Variants in GLRB observed in about 807,000 individuals in gnomAD.
GLRB encodes glycine receptor subunit beta.
GLRB carries 33 observed loss-of-function variants against 54.2 expected under a neutral mutation model. The ratio of observed to expected loss-of-function variants is 0.61; its 90% CI spans 0.46 to 0.81. GLRB has a LOEUF of 0.81. Ranked by LOEUF, GLRB falls within the 40% of genes least tolerant of loss-of-function variation. The pLI is 0.00. For missense variants in GLRB, 572 were observed against 584.6 expected (o/e 0.98, Z 0.22); for synonymous variants, 209 against 208.2 (o/e 1.00, Z -0.03).
At position 157,114,575 on chromosome 4, in the gene GLRB, C is replaced by T. The variant is rs960975532; in HGVS notation, c.123-5981C>T. The stretch of plus-strand genomic sequence containing the variant: ...GACCTCTTTGGTCTTTACCTTAAGT[C>T]GTTTTCTGTCACAGGATCCCTTCCA... On this transcript the variant is annotated intron_variant, in intron 2 of 9. Coordinates refer to ENST00000264428, the MANE Select transcript of GLRB (RefSeq NM_000824.5). 2.0e-5 allele frequency among the ~76,000 whole-genome samples: 3 copies of T among 151,654 alleles called. No individual in the cohort carries two copies. The East Asian group carries it at 5.8e-4, about 30-fold the overall frequency.
At chr4:157,126,430 T>C (rs902025827) in intron 4 of GLRB, among the ~76,000 whole-genome samples, 2 of 151,790 alleles carry the variant, frequency 1.3e-5, no homozygotes, top group Admixed American at 6.6e-5. Flanking sequence ...CTCATGTCTG[T>C]GTGCTCATTT....
At chr4:157,160,809 T>G (rs1737453034) in intron 9 of GLRB, among the ~76,000 whole-genome samples, 1 of 152,220 alleles carries the variant, frequency 6.6e-6, no homozygotes, top group South Asian at 2.1e-4. Context: ...GTATACTCTG[T>G]TGATTTGGGG....
Position 157,116,125 on chromosome 4 carries a change from C to T in GLRB, c.123-4431C>T, listed in dbSNP as rs1735601355. Among the ~76,000 whole-genome samples, 6 of 151,832 alleles carry T rather than the reference C, an allele frequency of 4.0e-5. No homozygotes were observed. In the South Asian group the frequency reaches 1.2e-3, roughly 31 times the overall value. On this transcript the variant is annotated intron_variant, in intron 2 of 9. Coordinates refer to ENST00000264428, the MANE Select transcript of GLRB (RefSeq NM_000824.5). ...TTGGAAATAAATTTCTGGATTTTTC[C>T]TTTAGTGCTGGAAAATATTACATCA...
intron 2 of GLRB, among the ~76,000 whole-genome samples, chr4:157,085,560 G>A (rs1017887371): frequency 3.3e-5 from 5 of 152,060 alleles, no homozygotes; most frequent in African/African-American, 4.8e-5. Context: ...GCAATGGCAT[G>A]ATCTCGCCTC....
At chr4:157,129,510 A>G (rs1416304578) in intron 4 of GLRB, among the ~76,000 whole-genome samples, 1 of 151,796 alleles carries the variant, frequency 6.6e-6, no homozygotes, top group African/African-American at 2.4e-5. Context: ...TAAAAATTTG[A>G]AATATTCTTA....
At chr4:157,092,905 C>T (rs963763585) in intron 2 of GLRB, among the ~76,000 whole-genome samples, 1 of 152,152 alleles carries the variant, frequency 6.6e-6, no homozygotes, top group African/African-American at 2.4e-5. Context: ...ACAGTAGTCA[C>T]AAAAGGTAGT....
In GLRB at chr4:157,136,466, C is replaced by T; in HGVS notation, c.298-3C>T. The T allele has an allele frequency of 6.5e-7, 1 of 1,546,534 alleles. No homozygotes were observed. Among genetic ancestry groups the T allele is most frequent in the Non-Finnish European group, 8.9e-7 (1 of 1,118,596 alleles). The stretch of plus-strand genomic sequence containing the variant: ...CATGTGCACGCATGTACTTTTTCTT[C>T]AGGACTATAGAGTTAACATCTTCCT... On this transcript the variant is annotated splice_polypyrimidine_tract_variant and splice_region_variant and intron_variant, in intron 4 of 9. Transcript: ENST00000264428.
At chr4:157,113,706 A>C (rs1579208601) in intron 2 of GLRB, among the ~76,000 whole-genome samples, 1 of 124,024 alleles carries the variant, frequency 8.1e-6, no homozygotes, top group Admixed American at 7.9e-5. Flanking sequence ...CCTGAAACCC[A>C]GGTGAGGGGA....
In GLRB at chr4:157,084,061, A is replaced by G. The variant is rs78305175; in HGVS notation, c.122+5915A>G. On this transcript the variant is annotated intron_variant, in intron 2 of 9. Transcript: ENST00000264428. ...ATGAAACTAGAACATCCTAAAATAA[A>G]CTTTCAGATTTTTTTATTGAATAAC... Among the ~76,000 whole-genome samples, 958 of 152,242 alleles carry G rather than the reference A, an allele frequency of 6.3e-3. 22 individuals are homozygous for G. In the East Asian group the frequency reaches 0.1, roughly 16 times the overall value.
At chr4:157,082,300 A>G (rs933448701) in intron 2 of GLRB, among the ~76,000 whole-genome samples, 5 of 152,172 alleles carry the variant, frequency 3.3e-5, no homozygotes, top group Non-Finnish European at 5.9e-5. Context: ...GTGCCCCCAC[A>G]GTTCCCCAAT....
chr4:157,170,662 T>C lies in GLRB; in HGVS notation c.1428T>C (p.Tyr476=), dbSNP rs763395384. The change falls in exon 10 of 10, where the codon TAT becomes TAC. Residue 476 remains tyrosine (Y), a synonymous_variant. Coordinates refer to ENST00000264428, the MANE Select transcript of GLRB (RefSeq NM_000824.5). ...CAGCAGCAAAGCGAATTGATCTTTA[T>C]GCAAGAGCATTGTTTCCTTTCTGCT... The part of the protein sequence containing the change: ...IPTAAKRIDL[Y]ARALFPFCFL... 2.5e-6 allele frequency: 4 copies of C among 1,608,544 alleles called. No individual in the cohort carries two copies. Among genetic ancestry groups the C allele is most frequent in the African/African-American group, 2.7e-5 (2 of 74,678 alleles).
chr4:157,139,920 C>T (rs986726817), intron 7 of GLRB, among the ~76,000 whole-genome samples: 2 of 151,782 alleles, frequency 1.3e-5, no homozygotes, highest in Admixed American at 1.3e-4. Context: ...GAATGCTGTC[C>T]TCATGATGTC....
chr4:157,120,550 T>C lies in GLRB; in HGVS notation c.123-6T>C. Reference sequence around the variant, plus strand: ...CTACTTATCAGGATTTTTCTCTCTCTTATAGTCAGCAGTCAGCAGAGGACC... The same window carrying C: ...CTACTTATCAGGATTTTTCTCTCTCCTATAGTCAGCAGTCAGCAGAGGACC... On this transcript the variant is annotated splice_polypyrimidine_tract_variant and splice_region_variant and intron_variant, in intron 2 of 9. Coordinates refer to ENST00000264428, the MANE Select transcript of GLRB (RefSeq NM_000824.5). 4.0e-6 allele frequency: 6 copies of C among 1,506,510 alleles called. No homozygotes were observed. Among genetic ancestry groups the C allele is most frequent in the Non-Finnish European group, 5.5e-6 (6 of 1,084,172 alleles). 93.3% of individuals were successfully genotyped at this position (1,506,510 alleles called of 1,614,324 possible).
intron 2 of GLRB, among the ~76,000 whole-genome samples, chr4:157,101,952 T>C (rs557576682): frequency 6.0e-4 from 91 of 152,328 alleles, no homozygotes; most frequent in Non-Finnish European, 1.0e-3. Context: ...TATCGTGTCA[T>C]GTGCCAGATT....
chr4:157,101,435 A>T (rs1735021475), intron 2 of GLRB, among the ~76,000 whole-genome samples: 1 of 152,058 alleles, frequency 6.6e-6, no homozygotes, highest in Admixed American at 6.6e-5. Context: ...TTTAACTTGA[A>T]ACTTTTAAGG....
intron 2 of GLRB, among the ~76,000 whole-genome samples, chr4:157,078,531 T>C (rs1301757675): frequency 6.6e-6 from 1 of 152,054 alleles, no homozygotes; most frequent in African/African-American, 2.4e-5. Context: ...CCCTAAAATA[T>C]TTAATAATAT....
At chr4:157,166,711 C>T (rs1363898794) in intron 9 of GLRB, among the ~76,000 whole-genome samples, 2 of 151,986 alleles carry the variant, frequency 1.3e-5, no homozygotes, top group African/African-American at 4.8e-5. Context: ...ACTTAAATGG[C>T]TAGAAACTTA....
At chr4:157,110,149 C>T (rs769464402) in intron 2 of GLRB, among the ~76,000 whole-genome samples, 77 of 152,028 alleles carry the variant, frequency 5.1e-4, no homozygotes, top group Admixed American at 1.4e-3. Flanking sequence ...CAGCCCCCAT[C>T]CTAAGGCTAT....
At position 157,138,799 on chromosome 4, in the gene GLRB, T is replaced by A; in HGVS notation, c.611-10T>A. ...ATTTTAAACTAACATTTATTTGTTT[T>A]TGTTTATAGTTGGTTACACAACTGA... On this transcript the variant is annotated splice_polypyrimidine_tract_variant and intron_variant, in intron 6 of 9. Coordinates refer to ENST00000264428, the MANE Select transcript of GLRB (RefSeq NM_000824.5). The A allele has an allele frequency of 3.6e-6, 5 of 1,373,738 alleles. No individual in the cohort carries two copies. Among genetic ancestry groups the A allele is most frequent in the Non-Finnish European group, 5.2e-6 (5 of 966,378 alleles). The allele number at this position is 1,373,738 out of a possible 1,614,324, so 85.1% of individuals were successfully genotyped here.
Sources: allele counts gnomAD v4.1 joint callset (sites outside exome capture counted in the v4.1 genomes callset), GRCh38; gene constraint gnomAD v4.1.1; transcripts MANE v1.5; gene names NCBI Gene and HGNC (gene_info 2026-07-23, HGNC 2026-07-21).